The following AGBL1 variants were observed in gnomAD, a reference collection of about 807,000 sequenced individuals.
AGBL1 encodes cytosolic carboxypeptidase 4.
AGBL1 carries 130 observed loss-of-function variants against 118.9 expected under a neutral mutation model. That is an observed-to-expected ratio of 1.09 (90% CI 0.95 to 1.26). The LOEUF (loss-of-function observed/expected upper bound fraction) is 1.26. Among genes scored for constraint, AGBL1 ranks in the 50% most tolerant of loss-of-function variants. The pLI is 0.00. For synonymous variants in AGBL1, 555 were observed against 478.9 expected, an observed-to-expected ratio of 1.16 and a Z score of -2.08; for missense variants, 1,584 against 1,298.1, an observed-to-expected ratio of 1.22 and a Z score of -3.38.
At chr15:86,950,839 C>T (rs1019078725) in intron 23 of AGBL1, among the ~76,000 whole-genome samples, 1 of 152,008 alleles carries the variant, frequency 6.6e-6, no homozygotes, top group Non-Finnish European at 1.5e-5. Flanking sequence ...CATCATTAAT[C>T]ATCAGTGAAA....
chr15:86,707,370 A>G (rs962216122), intron 22 of AGBL1, among the ~76,000 whole-genome samples: 4 of 151,942 alleles, frequency 2.6e-5, no homozygotes, highest in African/African-American at 7.3e-5. Context: ...CTCTGTAAAT[A>G]TTACTTTCCA....
At chr15:86,704,229 C>A (rs983917797) in intron 22 of AGBL1, among the ~76,000 whole-genome samples, 1 of 152,106 alleles carries the variant, frequency 6.6e-6, no homozygotes, top group Admixed American at 6.6e-5. Context: ...ATGGCCTGGG[C>A]AAAGACTCAT....
At chr15:86,369,909 T>C (rs2080946803) in intron 17 of AGBL1, among the ~76,000 whole-genome samples, 1 of 152,170 alleles carries the variant, frequency 6.6e-6, no homozygotes, top group Admixed American at 6.5e-5. Flanking sequence ...TAAACAAATA[T>C]TTCTAATTGG....
chr15:86,866,150 A>G (rs1388733853), intron 22 of AGBL1, among the ~76,000 whole-genome samples: 1 of 152,206 alleles, frequency 6.6e-6, no homozygotes, highest in African/African-American at 2.4e-5. Context: ...GAATATAAAA[A>G]TAAGATCATT....
chr15:86,495,039 T>C (rs2082830174), intron 18 of AGBL1, among the ~76,000 whole-genome samples: 1 of 151,910 alleles, frequency 6.6e-6, no homozygotes, highest in Non-Finnish European at 1.5e-5. Flanking sequence ...TTCACCAAAA[T>C]TGCAACATCC....
chr15:86,676,999 G>A (rs2085860535), intron 22 of AGBL1, among the ~76,000 whole-genome samples: 1 of 152,120 alleles, frequency 6.6e-6, no homozygotes, highest in Non-Finnish European at 1.5e-5. Context: ...CTGGGCGACA[G>A]AGGGAGACTC....
chr15:86,374,003 A>C (rs2081003514), intron 17 of AGBL1, among the ~76,000 whole-genome samples: 1 of 152,172 alleles, frequency 6.6e-6, no homozygotes, highest in African/African-American at 2.4e-5. Context: ...GTATGAATGA[A>C]AGTTGACCGT....
intron 23 of AGBL1, among the ~76,000 whole-genome samples, chr15:86,954,635 C>T (rs2080912454): frequency 6.6e-6 from 1 of 152,062 alleles, no homozygotes; most frequent in Admixed American, 6.6e-5. Context: ...AACATAGACG[C>T]TGTGGACTAC....
chr15:86,516,793 CAAAA>C (rs3084324), intron 18 of AGBL1, among the ~76,000 whole-genome samples: 28 of 99,168 alleles, frequency 2.8e-4, no homozygotes, highest in Admixed American at 6.5e-4. Context: ...AACTCCATCT[CAAAA>C]AAAAAAAAAA....
intron 23 of AGBL1, among the ~76,000 whole-genome samples, chr15:86,924,006 C>A (rs559304481): frequency 2.6e-4 from 39 of 152,300 alleles, no homozygotes; most frequent in African/African-American, 8.7e-4. Context: ...TATATACATA[C>A]AAAAGCAGTC....
intron 21 of AGBL1, among the ~76,000 whole-genome samples, chr15:86,565,141 A>G (rs2083893535): frequency 6.6e-6 from 1 of 152,218 alleles, no homozygotes; most frequent in South Asian, 2.1e-4. Flanking sequence ...CGTCAAAGTC[A>G]TTCTCTGTCC....
At chr15:86,842,419 T>C (rs549625687) in intron 22 of AGBL1, among the ~76,000 whole-genome samples, 20 of 152,254 alleles carry the variant, frequency 1.3e-4, no homozygotes, top group African/African-American at 4.8e-4. Context: ...CTGCCTGAGC[T>C]CTGTGGCAGG....
At chr15:86,343,014 C>T (rs1429684823) in intron 17 of AGBL1, among the ~76,000 whole-genome samples, 2 of 152,112 alleles carry the variant, frequency 1.3e-5, no homozygotes, top group African/African-American at 4.8e-5. Flanking sequence ...TTGGCATATA[C>T]AGATGAATGA....
At chr15:86,799,976 G>A (rs2078627545) in intron 22 of AGBL1, among the ~76,000 whole-genome samples, 1 of 152,044 alleles carries the variant, frequency 6.6e-6, no homozygotes, top group East Asian at 1.9e-4. Flanking sequence ...AATACATTCT[G>A]GAACCCGGGC....
intron 1 of AGBL1, among the ~76,000 whole-genome samples, chr15:86,110,586 A>G (rs936434114): frequency 1.3e-5 from 2 of 152,110 alleles, no homozygotes; most frequent in Non-Finnish European, 2.9e-5. Context: ...GTATGAGTGG[A>G]CCAGCACAGT....
intron 21 of AGBL1, among the ~76,000 whole-genome samples, chr15:86,627,768 G>A (rs769672111): frequency 3.9e-5 from 6 of 152,166 alleles, no homozygotes; most frequent in Admixed American, 6.5e-5. Flanking sequence ...GAAAGCAGCA[G>A]GGTCAGTAGT....
chr15:86,566,096 G>A (rs535819036), intron 21 of AGBL1, among the ~76,000 whole-genome samples: 16 of 111,646 alleles, frequency 1.4e-4, no homozygotes, highest in Admixed American at 6.5e-4. Context: ...GTGATGCCTC[G>A]CCCTGCTTTG....
intron 16 of AGBL1, among the ~76,000 whole-genome samples, chr15:86,287,054 G>A (rs910299506): frequency 1.3e-5 from 2 of 152,102 alleles, no homozygotes; most frequent in Non-Finnish European, 2.9e-5. Flanking sequence ...TCTAACAAGT[G>A]TGAAGTGGTA....
chr15:86,768,792 A>C (rs1328823641), intron 22 of AGBL1, among the ~76,000 whole-genome samples: 2 of 152,012 alleles, frequency 1.3e-5, no homozygotes, highest in East Asian at 3.9e-4. Flanking sequence ...GTTCCAGCAA[A>C]TCAGGGGCCT....
Sources: allele counts gnomAD v4.1 joint callset (sites outside exome capture counted in the v4.1 genomes callset), GRCh38; gene constraint gnomAD v4.1.1; transcripts MANE v1.5; gene names NCBI Gene and HGNC (gene_info 2026-07-23, HGNC 2026-07-21).